Variants in TCF4 observed in about 807,000 individuals in gnomAD.
TCF4 encodes the protein transcription factor 4.
In TCF4, 3 loss-of-function variants were observed where a neutral mutation model predicts 82.1. The ratio of observed to expected loss-of-function variants is 0.04; its 90% confidence interval spans 0.02 to 0.09. TCF4 has a LOEUF of 0.09. Ranked by LOEUF, TCF4 falls within the 10% of genes least tolerant of loss-of-function variation. The pLI, the probability that TCF4 is intolerant of heterozygous loss-of-function variation, is 1.00. For missense variants in TCF4, 518 were observed against 852.7 expected (o/e 0.61, Z 4.89); for synonymous variants, 276 against 309.6 (o/e 0.89, Z 1.14).
intron 5 of TCF4, among the ~76,000 whole-genome samples, chr18:55,421,189 C>T (rs564760116): frequency 3.9e-5 from 6 of 152,136 alleles, no homozygotes; most frequent in Admixed American, 6.5e-5. Flanking sequence ...GACACACACA[C>T]ATTTACACAC....
intron 5 of TCF4, among the ~76,000 whole-genome samples, chr18:55,416,115 C>G (rs1279533398): frequency 2.6e-5 from 4 of 152,090 alleles, no homozygotes; most frequent in Non-Finnish European, 5.9e-5. Flanking sequence ...AAGAGTACCT[C>G]ACAGCTATGT....
At chr18:55,382,729 TG>T (rs1458292116) in intron 6 of TCF4, among the ~76,000 whole-genome samples, 4 of 152,248 alleles carry the variant, frequency 2.6e-5, no homozygotes, top group Non-Finnish European at 5.9e-5. Flanking sequence ...AGAAATTAAA[TG>T]TGTACTTCTC....
chr18:55,469,367 G>A (rs138032432), intron 3 of TCF4, among the ~76,000 whole-genome samples: 8,573 of 152,112 alleles, frequency 0.056, 478 homozygotes, highest in South Asian at 0.18. Context: ...AGGAGGCTGA[G>A]GCAGGAGAAC....
At chr18:55,393,745 C>T (rs1767544553) in intron 6 of TCF4, among the ~76,000 whole-genome samples, 1 of 152,002 alleles carries the variant, frequency 6.6e-6, no homozygotes, top group African/African-American at 2.4e-5. Flanking sequence ...AAGTAACTTA[C>T]CATCAAAGTA....
chr18:55,537,552 CA>C, intron 3 of TCF4, among the ~76,000 whole-genome samples: 1 of 151,398 alleles, frequency 6.6e-6, no homozygotes, highest in South Asian at 2.1e-4. Context: ...ATGATCATGC[CA>C]CTGCACTCCA....
chr18:55,401,077 T>C, intron 6 of TCF4: 1 of 1,289,082 alleles, frequency 7.8e-7, no homozygotes. Flanking sequence ...AGATTTTGCC[T>C]TTCTCTTTGG....
At chr18:55,272,920 GA>G (rs1226911722) in intron 10 of TCF4, among the ~76,000 whole-genome samples, 1 of 152,062 alleles carries the variant, frequency 6.6e-6, no homozygotes, top group African/African-American at 2.4e-5. Flanking sequence ...TCCTTTAAAG[GA>G]AAATTCCAGA....
chr18:55,278,562 GTTTA>G (rs201378213), intron 9 of TCF4, among the ~76,000 whole-genome samples: 2 of 104,996 alleles, frequency 1.9e-5, no homozygotes, highest in Non-Finnish European at 4.4e-5. Context: ...TTATTTGTTT[GTTTA>G]TTTATTTATT....
At chr18:55,505,356 T>A (rs1033485972) in intron 3 of TCF4, among the ~76,000 whole-genome samples, 1 of 152,050 alleles carries the variant, frequency 6.6e-6, no homozygotes. Flanking sequence ...CAACAATACA[T>A]AATAATGACA....
chr18:55,351,250 T>A (rs574848356), intron 6 of TCF4: 3 of 449,536 alleles, frequency 6.7e-6, no homozygotes, highest in Admixed American at 7.5e-5. Context: ...TTTTTTTAAG[T>A]CTTTTAAGAT....
Position 55,461,069 on chromosome 18 carries a change from A to C in TCF4, c.254T>G (p.Leu85Arg). 1 of 1,613,388 alleles carries C rather than the reference A, an allele frequency of 6.2e-7. No homozygotes were observed. Among genetic ancestry groups the C allele is most frequent in the Non-Finnish European group, 8.5e-7 (1 of 1,179,532 alleles). Residue 85 changes from leucine (L) to arginine (R), a missense_variant, in exon 5 of 20, where the codon CTT becomes CGT. This residue lies in a region of TCF4 where 80 missense variants were observed against 93.8 expected (regional missense o/e 0.85). Coordinates refer to ENST00000354452, the MANE Select transcript of TCF4 (RefSeq NM_001083962.2). ...TPYDHMTSRDLGSHDNLSPPF... is the reference protein window; with the variant it reads ...TPYDHMTSRDRGSHDNLSPPF... ...TGGAGAGAGATTGTCATGTGACCCA[A>C]GGTCCCTGCTGGTCATGTGGTCATA...
intron 3 of TCF4, among the ~76,000 whole-genome samples, chr18:55,580,778 GTA>G (rs985270325): frequency 3.5e-5 from 5 of 144,244 alleles, no homozygotes; most frequent in South Asian, 4.5e-4. Flanking sequence ...GTGTGTGTGT[GTA>G]TAGAACTCAG....
chr18:55,350,267 C>T (rs1008117622), intron 8 of TCF4, 92 bp downstream of exon 8: 12 of 1,331,572 alleles, frequency 9.0e-6, no homozygotes, highest in Admixed American at 3.4e-5. Context: ...CTGCTCTGGG[C>T]GCATGGAAAC....
chr18:55,350,308 C>G lies in TCF4; in HGVS notation c.549+51G>C, dbSNP rs569462082. On this transcript the variant is annotated intron_variant, in intron 8 of 19. Coordinates refer to ENST00000354452, the MANE Select transcript of TCF4 (RefSeq NM_001083962.2). ...TACTTCTATCTCCTTCCCATCAATA[C>G]AAAACAGAACAAAATAAGCAATATA... The G allele has an allele frequency of 4.4e-5, 69 of 1,578,462 alleles. No homozygotes were observed. In the East Asian group the frequency reaches 1.5e-3, roughly 33 times the overall value.
intron 1 of TCF4, among the ~76,000 whole-genome samples, chr18:55,634,122 A>G (rs985234371): frequency 6.6e-6 from 1 of 152,086 alleles, no homozygotes; most frequent in African/African-American, 2.4e-5. Flanking sequence ...TACAAAAATT[A>G]GCCACGCGTG....
chr18:55,299,005 C>T (rs899884250), intron 8 of TCF4, among the ~76,000 whole-genome samples: 3 of 152,086 alleles, frequency 2.0e-5, no homozygotes, highest in African/African-American at 7.2e-5. Flanking sequence ...GTTTCTACTA[C>T]CTTTTGATAA....
chr18:55,318,725 C>A (rs568675698), intron 8 of TCF4, among the ~76,000 whole-genome samples: 3 of 152,148 alleles, frequency 2.0e-5, no homozygotes, highest in Admixed American at 6.5e-5. Context: ...GACATGGAAA[C>A]ACTTCATAAC....
chr18:55,557,706 T>A (rs921079349), intron 3 of TCF4, among the ~76,000 whole-genome samples: 1 of 152,186 alleles, frequency 6.6e-6, no homozygotes, highest in Non-Finnish European at 1.5e-5. Context: ...GGAAGTCTCA[T>A]CCCCATCACA....
intron 3 of TCF4, among the ~76,000 whole-genome samples, chr18:55,475,284 A>C (rs1017286673): frequency 2.0e-5 from 3 of 152,192 alleles, no homozygotes; most frequent in Admixed American, 6.5e-5. Context: ...TATTTTATGG[A>C]AATGTTTCTC....
Sources: gnomAD v4.1 joint callset for allele counts (sites outside exome capture counted in the v4.1 genomes callset) on GRCh38, gnomAD v4.1.1 for gene constraint, gnomAD v4.1.1 regional missense constraint, MANE v1.5 for transcripts, NCBI Gene and HGNC (gene_info 2026-07-23, HGNC 2026-07-21) for gene names.